Variants in PRICKLE1 observed in about 807,000 individuals in gnomAD.
The protein encoded by PRICKLE1 is prickle planar cell polarity protein 1, also known as prickle-like protein 1.
In PRICKLE1, 14 loss-of-function variants were observed where a neutral mutation model predicts 70.2. The ratio of observed to expected loss-of-function variants is 0.20; its 90% CI spans 0.13 to 0.31. The LOEUF (loss-of-function observed/expected upper bound fraction) is 0.31, where lower values mean the gene tolerates loss of function less well. Among genes scored for constraint, PRICKLE1 ranks in the 10% least tolerant of loss-of-function variants. The pLI, the probability that PRICKLE1 is intolerant of heterozygous loss-of-function variation, is 1.00. For missense variants in PRICKLE1, 821 were observed against 1,026.2 expected (o/e 0.80, Z 2.73); for synonymous variants, 357 against 379.9 (o/e 0.94, Z 0.70).
chr12:42,459,821 A>G lies in PRICKLE1; in HGVS notation c.2484T>C (p.Cys828=), dbSNP rs1303318216. 6.2e-7 allele frequency: 1 copy of G among 1,614,228 alleles called. No individual in the cohort carries two copies. Among genetic ancestry groups the G allele is most frequent in the Admixed American group, 1.7e-5 (1 of 60,028 alleles). Residue 828 remains cysteine, a synonymous_variant, in exon 8 of 8, where the codon TGT becomes TGC. Transcript: ENST00000345127. Reference sequence around the variant, plus strand: ...CATCACTACTTGGTTAAGAAATAATACAATTTTTGCCCTTGTGTCCCTTTT... The same window carrying G: ...CATCACTACTTGGTTAAGAAATAATGCAATTTTTGCCCTTGTGTCCCTTTT... ...KKKKGHKGKN[C]IIS is the part of the protein sequence containing the mutation.
intron 1 of PRICKLE1, among the ~76,000 whole-genome samples, chr12:42,554,158 CA>C (rs1259553694): frequency 6.6e-6 from 1 of 152,000 alleles, no homozygotes; most frequent in Non-Finnish European, 1.5e-5. Flanking sequence ...AACAGGAGAC[CA>C]AAACACCCAT....
intron 1 of PRICKLE1, among the ~76,000 whole-genome samples, chr12:42,519,705 G>A (rs1939676467): frequency 6.6e-6 from 1 of 152,254 alleles, no homozygotes; most frequent in African/African-American, 2.4e-5. Flanking sequence ...CTAGACCAGT[G>A]ATGGGGTAGG....
chr12:42,584,263 A>G (rs1940951880), intron 1 of PRICKLE1: 1 of 152,192 alleles, frequency 6.6e-6, no homozygotes, highest in African/African-American at 2.4e-5. Context: ...GGGAAAAAAA[A>G]GTGTACCAAA....
intron 1 of PRICKLE1, among the ~76,000 whole-genome samples, chr12:42,559,631 TTTTTTGG>T (rs1286935738): frequency 2.6e-4 from 25 of 97,024 alleles, no homozygotes; most frequent in African/African-American, 1.3e-3. Flanking sequence ...TATATTTTTT[TTTTTTGG>T]GGGGGGTAGA....
intron 1 of PRICKLE1, among the ~76,000 whole-genome samples, chr12:42,537,257 C>T (rs1940030240): frequency 6.6e-6 from 1 of 152,054 alleles, no homozygotes; most frequent in African/African-American, 2.4e-5. Context: ...CTCCTGAGCT[C>T]AAGTGATCCT....
chr12:42,547,144 C>A (rs1940229169), intron 1 of PRICKLE1, among the ~76,000 whole-genome samples: 1 of 152,106 alleles, frequency 6.6e-6, no homozygotes, highest in Admixed American at 6.5e-5. Context: ...AGTTATTTCC[C>A]TGATAAATCT....
chr12:42,575,008 CT>C (rs111401287), intron 1 of PRICKLE1, among the ~76,000 whole-genome samples: 9,725 of 138,442 alleles, frequency 0.07, 433 homozygotes, highest in African/African-American at 0.13. Flanking sequence ...ATTCAGGCTT[CT>C]TTTTTTTTTT....
At chr12:42,504,913 G>A (rs1461623728) in intron 1 of PRICKLE1, among the ~76,000 whole-genome samples, 3 of 152,230 alleles carry the variant, frequency 2.0e-5, no homozygotes, top group South Asian at 4.1e-4. Flanking sequence ...AGGCTAAGGC[G>A]GGTGGATCAC....
rs925224076 is a variant in PRICKLE1, at chr12:42,456,998, A to G, written c.*2811T>C. 3.9e-5 allele frequency: 6 copies of G among 152,318 alleles called. No homozygotes were observed. Among genetic ancestry groups the G allele is most frequent in the Admixed American group, 6.5e-5 (1 of 15,290 alleles). 9.4% of individuals were successfully genotyped at this position (152,318 alleles called of 1,614,324 possible). A position where few individuals can be genotyped will look rare whatever the true frequency, so the allele number is the denominator to read the frequency against. ...CGAGACCAGCCTGGCCAACTTGGTG[A>G]AACACTGTCTCTACTAAAAATATAA... On this transcript the variant is annotated 3_prime_UTR_variant, in exon 8 of 8. Coordinates refer to ENST00000345127, the MANE Select transcript of PRICKLE1 (RefSeq NM_153026.3).
intron 1 of PRICKLE1, among the ~76,000 whole-genome samples, chr12:42,489,310 T>G (rs1939048072): frequency 6.6e-6 from 1 of 151,818 alleles, no homozygotes; most frequent in Non-Finnish European, 1.5e-5. Flanking sequence ...CTCAATATAC[T>G]AAAATATACT....
chr12:42,461,817 G>C (rs1327026176), intron 7 of PRICKLE1, among the ~76,000 whole-genome samples: 3 of 151,116 alleles, frequency 2.0e-5, no homozygotes, highest in African/African-American at 7.3e-5. Flanking sequence ...ATTTTTTTTT[G>C]AGATGGAGTC....
chr12:42,585,681 G>C (rs907524946), intron 1 of PRICKLE1, among the ~76,000 whole-genome samples: 2 of 152,186 alleles, frequency 1.3e-5, no homozygotes, highest in African/African-American at 4.8e-5. Flanking sequence ...GAGGGGAAGT[G>C]GGGGGAAATA....
chr12:42,465,370 G>A (rs1938053393), intron 6 of PRICKLE1, 112 bp from the exon 7 acceptor site: 1 of 951,730 alleles, frequency 1.1e-6, no homozygotes, highest in Non-Finnish European at 1.6e-6. Context: ...GGAGCTGTGT[G>A]GGTGACACAG....
At chr12:42,563,123 C>T (rs1019025954) in intron 1 of PRICKLE1, among the ~76,000 whole-genome samples, 5 of 151,404 alleles carry the variant, frequency 3.3e-5, no homozygotes, top group African/African-American at 1.2e-4. Context: ...ACGGAGGTTG[C>T]AGTGAACCGA....
At chr12:42,461,069 CG>C (rs1775479736) in intron 7 of PRICKLE1, among the ~76,000 whole-genome samples, 1 of 152,048 alleles carries the variant, frequency 6.6e-6, no homozygotes, top group African/African-American at 2.4e-5. Context: ...TTAGTAAAGA[CG>C]GGGTTTCTCC....
At position 42,469,466 on chromosome 12, in the gene PRICKLE1, T is replaced by G. The variant is rs1415980204; in HGVS notation, c.368A>C (p.His123Pro). Reference sequence around the variant, plus strand: ...GCTGCTCACCTGCTCACACACAGCATGCATGACTGCTCTGGACAGAAGCTT... The same window carrying G: ...GCTGCTCACCTGCTCACACACAGCAGGCATGACTGCTCTGGACAGAAGCTT... ...TIKLLSRAVM[H>P]AVCEQCGLKI... The change falls in exon 4 of 8, where the codon CAT (histidine) becomes CCT (proline). Residue 123 changes from histidine to proline, a missense_variant. Transcript: ENST00000345127. 1 of 1,614,174 alleles carries G rather than the reference T, an allele frequency of 6.2e-7. No homozygotes were observed. The highest frequency in any genetic ancestry group is 8.5e-7 in the Non-Finnish European group (1 of 1,180,032).
rs186457061 is a variant in PRICKLE1 at position 42,565,753 on chromosome 12, C to T, written c.-49+23712G>A. ...TCTTTTTCTCTTTTTAAACCAGCCC[C>T]GACCTCAGTCAGGATCCCAGAGGCT... On this transcript the variant is annotated intron_variant, in intron 1 of 7. Coordinates refer to ENST00000345127, the MANE Select transcript of PRICKLE1 (RefSeq NM_153026.3). Among the ~76,000 whole-genome samples the T allele has an allele frequency of 1.1e-3, 169 of 152,270 alleles. 2 individuals carry two copies. In the South Asian group the frequency reaches 0.018, roughly 17 times the overall value.
At chr12:42,545,906 A>G (rs1940202126) in intron 1 of PRICKLE1, among the ~76,000 whole-genome samples, 2 of 151,184 alleles carry the variant, frequency 1.3e-5, no homozygotes, top group Admixed American at 1.3e-4. Context: ...ATATATATAT[A>G]TATATGGAAG....
At chr12:42,552,307 A>G (rs1940331974) in intron 1 of PRICKLE1, among the ~76,000 whole-genome samples, 1 of 152,118 alleles carries the variant, frequency 6.6e-6, no homozygotes. Flanking sequence ...GGCTCAAGCA[A>G]TCCTCCCACC....
Sources: gnomAD v4.1 joint callset for allele counts (sites outside exome capture counted in the v4.1 genomes callset) on GRCh38, gnomAD v4.1.1 for gene constraint, MANE v1.5 for transcripts, NCBI Gene and HGNC (gene_info 2026-07-23, HGNC 2026-07-21) for gene names.